Variants in CSMD3 observed in about 807,000 individuals in gnomAD.
CSMD3 encodes the protein CUB and sushi domain-containing protein 3.
A neutral mutation model predicts 435.2 loss-of-function variants in CSMD3; 177 were observed. The ratio of observed to expected loss-of-function variants is 0.41; its 90% confidence interval spans 0.36 to 0.46. CSMD3 has a LOEUF of 0.46. CSMD3 is among the 20% of genes least tolerant of loss of function. The pLI, the probability that CSMD3 is intolerant of heterozygous loss-of-function variation, is 0.34. For missense variants in CSMD3, 4,265 were observed against 4,504.6 expected, an observed-to-expected ratio of 0.95 and a Z score of 1.52; for synonymous variants, 1,656 against 1,520.5, an observed-to-expected ratio of 1.09 and a Z score of -2.07.
chr8:112,849,902 G>A (rs111303165), intron 11 of CSMD3, among the ~76,000 whole-genome samples: 5,399 of 152,154 alleles, frequency 0.035, 151 homozygotes, highest in Middle Eastern at 0.051. Flanking sequence ...AAGAATCAGT[G>A]ATGACTGTAA....
At chr8:113,146,004 T>C (rs1036160981) in intron 4 of CSMD3, among the ~76,000 whole-genome samples, 4 of 151,550 alleles carry the variant, frequency 2.6e-5, no homozygotes, top group Admixed American at 6.6e-5. Flanking sequence ...CATAACACCA[T>C]GACCAAATAT....
chr8:113,355,884 T>C (rs561024870), intron 1 of CSMD3, among the ~76,000 whole-genome samples: 3 of 149,474 alleles, frequency 2.0e-5, no homozygotes, highest in South Asian at 4.3e-4. Flanking sequence ...TGGGCAACTA[T>C]AGCTGTAATA....
At chr8:113,021,504 G>C (rs1035875835) in intron 5 of CSMD3, among the ~76,000 whole-genome samples, 3 of 152,108 alleles carry the variant, frequency 2.0e-5, no homozygotes, top group Admixed American at 1.3e-4. Flanking sequence ...GATGTAATGA[G>C]ACTACAATGC....
chr8:113,012,921 G>T (rs1161600630), intron 6 of CSMD3, among the ~76,000 whole-genome samples: 1 of 152,012 alleles, frequency 6.6e-6, no homozygotes, highest in Admixed American at 6.6e-5. Flanking sequence ...TAACATTAGA[G>T]TAGGGGTTCA....
At chr8:112,986,276 T>A (rs1735753415) in intron 6 of CSMD3, among the ~76,000 whole-genome samples, 1 of 152,198 alleles carries the variant, frequency 6.6e-6, no homozygotes, top group African/African-American at 2.4e-5. Context: ...CTGTATATTA[T>A]CTGGAAACTC....
intron 10 of CSMD3, among the ~76,000 whole-genome samples, chr8:112,893,372 A>G (rs1275167605): frequency 2.0e-5 from 3 of 151,484 alleles, no homozygotes; most frequent in Non-Finnish European, 4.4e-5. Flanking sequence ...GTATTGGTAC[A>G]CAGGTTCCAA....
intron 31 of CSMD3, among the ~76,000 whole-genome samples, chr8:112,480,943 TA>T (rs1260739559): frequency 1.3e-5 from 2 of 152,208 alleles, no homozygotes; most frequent in Admixed American, 6.5e-5. Context: ...TTGTTTAATT[TA>T]AAAAAATTAT....
chr8:113,125,620 G>C (rs73342250), intron 4 of CSMD3, among the ~76,000 whole-genome samples: 1 of 151,868 alleles, frequency 6.6e-6, no homozygotes, highest in South Asian at 2.1e-4. Context: ...AATAAATACA[G>C]TAGTAAAGAA....
At chr8:112,234,314 T>C in intron 68 of CSMD3, 51 bp downstream of exon 68, 1 of 1,223,058 alleles carries the variant, frequency 8.2e-7, no homozygotes, top group East Asian at 2.3e-5. Context: ...CTGGACAAGC[T>C]ACAAATTTAT....
intron 32 of CSMD3, among the ~76,000 whole-genome samples, chr8:112,431,919 A>C (rs1050588890): frequency 3.9e-5 from 6 of 152,120 alleles, no homozygotes; most frequent in African/African-American, 1.4e-4. Flanking sequence ...ACAGCTTGAA[A>C]ATCTTTTCTC....
At chr8:112,937,350 A>ATTT (rs1286548713) in intron 9 of CSMD3, among the ~76,000 whole-genome samples, 15 of 129,826 alleles carry the variant, frequency 1.2e-4, no homozygotes, top group African/African-American at 4.0e-4. Context: ...CTAGGTAATA[A>ATTT]TGTTTTTTTT....
chr8:112,997,653 C>A (rs1587852203), intron 6 of CSMD3, among the ~76,000 whole-genome samples: 1 of 151,480 alleles, frequency 6.6e-6, no homozygotes, highest in African/African-American at 2.4e-5. Context: ...AGGCTAAACC[C>A]TCTTCAAAAC....
In CSMD3 at chr8:113,169,402, A is replaced by C. The variant is rs140000398; in HGVS notation, c.709+4320T>G. On this transcript the variant is annotated intron_variant, in intron 4 of 70. Transcript: ENST00000297405. Reference sequence around the variant, plus strand: ...AAAACTATCTCACCTGTCAGATCACAGTAAACTCTGTCAACATTTTATAGC... The same window carrying C: ...AAAACTATCTCACCTGTCAGATCACCGTAAACTCTGTCAACATTTTATAGC... 5.9e-3 allele frequency among the ~76,000 whole-genome samples: 895 copies of C among 152,270 alleles called. 4 individuals are homozygous for C. The highest frequency in any genetic ancestry group is 0.019 in the African/African-American group (795 of 41,564).
chr8:112,611,450 T>C (rs1251222958), intron 22 of CSMD3, among the ~76,000 whole-genome samples: 1 of 152,200 alleles, frequency 6.6e-6, no homozygotes, highest in Non-Finnish European at 1.5e-5. Flanking sequence ...AAAAGAGACA[T>C]AAAAGTTTCT....
At chr8:112,831,956 A>C (rs1587424357) in intron 11 of CSMD3, among the ~76,000 whole-genome samples, 1 of 152,310 alleles carries the variant, frequency 6.6e-6, no homozygotes, top group East Asian at 1.9e-4. Context: ...TATATTATGG[A>C]TACTAATCCC....
At chr8:112,344,817 G>A (rs1327958309) in intron 41 of CSMD3, among the ~76,000 whole-genome samples, 21 of 151,956 alleles carry the variant, frequency 1.4e-4, no homozygotes, top group Admixed American at 1.4e-3. Flanking sequence ...AATTGGGAAG[G>A]TATTATAGTG....
intron 63 of CSMD3, among the ~76,000 whole-genome samples, chr8:112,252,679 G>A (rs368185628): frequency 7.1e-6 from 1 of 141,456 alleles, no homozygotes; most frequent in South Asian, 2.3e-4. Context: ...ATGTGTGTGT[G>A]TATATATATA....
intron 28 of CSMD3, among the ~76,000 whole-genome samples, chr8:112,509,223 G>C (rs1007623789): frequency 6.6e-6 from 1 of 151,820 alleles, no homozygotes; most frequent in Non-Finnish European, 1.5e-5. Context: ...CCCAGTAACT[G>C]GGACTACAGA....
At chr8:113,419,000 C>T (rs1298252515) in intron 1 of CSMD3, among the ~76,000 whole-genome samples, 1 of 151,916 alleles carries the variant, frequency 6.6e-6, no homozygotes, top group Non-Finnish European at 1.5e-5. Context: ...GATTTGGGGC[C>T]ATCGTGATAA....
Sources: gnomAD v4.1 joint callset for allele counts (sites outside exome capture counted in the v4.1 genomes callset) on GRCh38, gnomAD v4.1.1 for gene constraint, MANE v1.5 for transcripts, NCBI Gene and HGNC (gene_info 2026-07-23, HGNC 2026-07-21) for gene names.